The following ATP8B3 variants were observed in gnomAD, a reference collection of about 807,000 sequenced individuals.
ATP8B3 encodes ATPase phospholipid transporting 8B3.
Under a neutral mutation model 140.9 loss-of-function variants are expected in ATP8B3, and 141 were observed. The observed-to-expected ratio is 1.00, with a 90% CI of 0.87 to 1.15. The LOEUF is 1.15. Among genes scored for constraint, ATP8B3 ranks in the 50% most tolerant of loss-of-function variants. The pLI, the probability that ATP8B3 is intolerant of heterozygous loss-of-function variation, is 0.00. For missense variants in ATP8B3, 1,874 were observed against 1,740.6 expected, an observed-to-expected ratio of 1.08 and a Z score of -1.36; for synonymous variants, 765 against 714.6, an observed-to-expected ratio of 1.07 and a Z score of -1.13.
chr19:1,782,682 T>C lies in ATP8B3; in HGVS notation c.*346A>G. ...TGGCTCCCCAGAGGCTGTGGCTGGCTCTCAAATGACGACAGCTGGCTTTCT... is the reference window on the plus strand; with the variant it reads ...TGGCTCCCCAGAGGCTGTGGCTGGCCCTCAAATGACGACAGCTGGCTTTCT... On this transcript the variant is annotated 3_prime_UTR_variant, in exon 29 of 29. Transcript: ENST00000310127. 1 of 295,876 alleles carries C rather than the reference T, an allele frequency of 3.4e-6. No individual in the cohort carries two copies. Among genetic ancestry groups the C allele is most frequent in the Non-Finnish European group, 6.4e-6 (1 of 157,430 alleles). The allele number at this position is 295,876 out of a possible 1,614,324, so 18.3% of individuals were successfully genotyped here. A position where few individuals can be genotyped will look rare whatever the true frequency, so the allele number is the denominator to read the frequency against.
At position 1,806,461 on chromosome 19, in the gene ATP8B3, C is replaced by T; in HGVS notation, c.677+167G>A. 6.8e-7 allele frequency: 1 copy of T among 1,463,088 alleles called. No individual in the cohort carries two copies. 90.6% of individuals were successfully genotyped at this position (1,463,088 alleles called of 1,614,324 possible). ...CGCCATCAGGGCCTCGGCCTCTGTCCTCGTCCCGGCCAAACGCCTAATGAA... is the reference window on the plus strand; with the variant it reads ...CGCCATCAGGGCCTCGGCCTCTGTCTTCGTCCCGGCCAAACGCCTAATGAA... On this transcript the variant is annotated intron_variant, in intron 7 of 28. Transcript: ENST00000310127. This position sits in a 1 kb window ranked among gnomAD's most constrained non-coding sequence, Gnocchi z 5.6.
At chr19:1,788,620 A>T (rs2068380946) in intron 24 of ATP8B3, among the ~76,000 whole-genome samples, 1 of 152,214 alleles carries the variant, frequency 6.6e-6, no homozygotes, top group Admixed American at 6.5e-5. Context: ...ATTGCACTCC[A>T]GCCTGGGTGA....
In ATP8B3 at chr19:1,794,861, C is replaced by T. The variant is rs189718802; in HGVS notation, c.2055+1014G>A. On this transcript the variant is annotated intron_variant, in intron 18 of 28. Transcript: ENST00000310127. This position sits in a 1 kb window ranked among gnomAD's most constrained non-coding sequence, Gnocchi z 4.8. ...GCCTCAAATCCTGGGCCGAGGAGTT[C>T]GGGCTTCCCCCACAGAGTGGGAAGC... 8.5e-5 allele frequency among the ~76,000 whole-genome samples: 13 copies of T among 152,270 alleles called. No individual in the cohort carries two copies. The East Asian group carries it at 2.1e-3, about 25-fold the overall frequency.
chr19:1,810,884 C>T (rs541725447), intron 2 of ATP8B3, among the ~76,000 whole-genome samples: 73 of 152,256 alleles, frequency 4.8e-4, no homozygotes, highest in African/African-American at 1.7e-3. Flanking sequence ...CCTAGGGGAC[C>T]CCAAGATGAT....
chr19:1,788,036 T>C (rs576689282), intron 24 of ATP8B3, among the ~76,000 whole-genome samples: 30 of 152,138 alleles, frequency 2.0e-4, no homozygotes, highest in African/African-American at 7.2e-4. Flanking sequence ...AGTGAGACTC[T>C]GTCTCAAAAG....
At chr19:1,793,243 A>G (rs1279991547) in intron 18 of ATP8B3, among the ~76,000 whole-genome samples, 1 of 148,258 alleles carries the variant, frequency 6.7e-6, no homozygotes, top group Non-Finnish European at 1.5e-5. Context: ...GGCACATGCC[A>G]TCACACCCGG....
intron 10 of ATP8B3, among the ~76,000 whole-genome samples, chr19:1,803,566 C>T (rs1216454080): frequency 6.6e-6 from 1 of 152,156 alleles, no homozygotes; most frequent in African/African-American, 2.4e-5. Context: ...AGAGGAAGAG[C>T]CGCTGCCTGT....
Position 1,798,040 on chromosome 19 carries a change from T to C in ATP8B3, c.1553-1035A>G, listed in dbSNP as rs560318172. Among the ~76,000 whole-genome samples the C allele has an allele frequency of 6.6e-5, 10 of 151,984 alleles. No individual in the cohort carries two copies. The South Asian group carries it at 2.1e-3, about 32-fold the overall frequency. ...CTGCTGGAGTGCAGTGGCGTGACCT[T>C]GGCTCACTGCAACCTCCACCTCCGG... On this transcript the variant is annotated intron_variant, in intron 14 of 28. Coordinates refer to ENST00000310127, the MANE Select transcript of ATP8B3 (RefSeq NM_138813.4).
chr19:1,806,819 T>A lies in ATP8B3; in HGVS notation c.616-130A>T. The A allele has an allele frequency of 9.6e-7, 1 of 1,045,000 alleles. No individual in the cohort carries two copies. Among genetic ancestry groups the A allele is most frequent in the Non-Finnish European group, 1.4e-6 (1 of 705,638 alleles). 64.7% of individuals were successfully genotyped at this position (1,045,000 alleles called of 1,614,324 possible). ...CCCTGTCCGCTGGCCCCACGCCACG[T>A]TGCGTCTGCTCAGGGATCCCGGACG... On this transcript the variant is annotated intron_variant, in intron 6 of 28. Transcript: ENST00000310127. This position sits in a 1 kb window ranked among gnomAD's most constrained non-coding sequence, Gnocchi z 5.6.
At position 1,800,738 on chromosome 19, in the gene ATP8B3, C is replaced by G. The variant is rs779529279; in HGVS notation, c.1153-289G>C. Among the ~76,000 whole-genome samples, 1 of 152,072 alleles carries G rather than the reference C, an allele frequency of 6.6e-6. No homozygotes were observed. Among genetic ancestry groups the G allele is most frequent in the African/African-American group, 2.4e-5 (1 of 41,404 alleles). On this transcript the variant is annotated intron_variant, in intron 12 of 28. Coordinates refer to ENST00000310127, the MANE Select transcript of ATP8B3 (RefSeq NM_138813.4). The surrounding 1 kb of genome is among the most constrained non-coding windows in gnomAD (Gnocchi z 4.4). The stretch of plus-strand genomic sequence containing the variant: ...TGCTCAGAAGGCTGAGGCCGAGGAT[C>G]GCTTGAGCCCAGGAGGCTGCAGTGA...
At chr19:1,786,603 G>A (rs1329166964) in intron 25 of ATP8B3, among the ~76,000 whole-genome samples, 2 of 151,580 alleles carry the variant, frequency 1.3e-5, no homozygotes, top group Admixed American at 6.6e-5. Flanking sequence ...AACATGAAAT[G>A]AGATGTAAAA....
At chr19:1,810,740 A>C in intron 2 of ATP8B3, 57 bp from the exon 3 acceptor site, 1 of 1,543,226 alleles carries the variant, frequency 6.5e-7, no homozygotes, top group Non-Finnish European at 8.8e-7. Context: ...GCTGGGCACC[A>C]CTCGGTCTTC....
chr19:1,801,884 G>T, intron 12 of ATP8B3, 72 bp downstream of exon 12: 3 of 1,195,938 alleles, frequency 2.5e-6, no homozygotes, highest in Non-Finnish European at 3.7e-6. Flanking sequence ...GGAAACTGAG[G>T]CCTGGAAGAT....
rs758510997 is a variant in ATP8B3, at chr19:1,790,759, A to C, written c.2376T>G (p.Ile792Met). ...ENMLILEEKEISRILETYWEN... is the reference protein window; with the variant it reads ...ENMLILEEKEMSRILETYWEN... ...CCCCCCAACTCCCCACTTCTTACCT[A>C]ATCTCCTTCTCCTCCAGAATGAGCA... The change falls in exon 21 of 29, where the codon ATT (isoleucine) becomes ATG (methionine). Residue 792 changes from isoleucine (I) to methionine (M), a missense_variant and splice_region_variant. Transcript: ENST00000310127. 3 of 1,590,276 alleles carry C rather than the reference A, an allele frequency of 1.9e-6. No homozygotes were observed. The highest frequency in any genetic ancestry group is 1.7e-6 in the Non-Finnish European group (2 of 1,172,846).
chr19:1,800,732 G>A lies in ATP8B3; in HGVS notation c.1153-283C>T, dbSNP rs753140683. On this transcript the variant is annotated intron_variant, in intron 12 of 28. Transcript: ENST00000310127. The surrounding 1 kb of genome is among the most constrained non-coding windows in gnomAD (Gnocchi z 4.4). ...CTCAGCTGCTCAGAAGGCTGAGGCC[G>A]AGGATCGCTTGAGCCCAGGAGGCTG... 2.0e-4 allele frequency among the ~76,000 whole-genome samples: 30 copies of A among 152,156 alleles called. No individual in the cohort carries two copies. The highest frequency in any genetic ancestry group is 4.0e-4 in the Non-Finnish European group (27 of 68,012).
rs1181979147 is a variant in ATP8B3 at position 1,799,935 on chromosome 19, T to C, written c.1552+12A>G. 1 of 1,582,854 alleles carries C rather than the reference T, an allele frequency of 6.3e-7. No individual in the cohort carries two copies. The highest frequency in any genetic ancestry group is 1.1e-5 in the South Asian group (1 of 86,970). ...GAGGACCCAGCTGGGAGCTCAGGTG[T>C]CGGGGCCGCACCATAGACGCGGCCG... On this transcript the variant is annotated intron_variant, in intron 14 of 28. Coordinates refer to ENST00000310127, the MANE Select transcript of ATP8B3 (RefSeq NM_138813.4).
rs2068858359 is a variant in ATP8B3 at position 1,801,999 on chromosome 19, T to G, written c.1109A>C (p.Lys370Thr). Residue 370 changes from lysine to threonine, a missense_variant, in exon 12 of 29, where the codon AAG becomes ACG. Coordinates refer to ENST00000310127, the MANE Select transcript of ATP8B3 (RefSeq NM_138813.4). Reference protein sequence around the residue: ...IMKNCGKIHLKRTKLDLLMNK... With the variant: ...IMKNCGKIHLTRTKLDLLMNK... Reference sequence around the variant, plus strand: ...CATCAGGAGGTCCAGCTTGGTTCTCTTCAAATGGATCTTGCCACAGTTCTT... The same window carrying G: ...CATCAGGAGGTCCAGCTTGGTTCTCGTCAAATGGATCTTGCCACAGTTCTT... The G allele has an allele frequency of 6.2e-7, 1 of 1,612,530 alleles. No individual in the cohort carries two copies. The highest frequency in any genetic ancestry group is 8.5e-7 in the Non-Finnish European group (1 of 1,179,714).
rs369381555 is a variant in ATP8B3 at position 1,800,986 on chromosome 19, G to A, written c.1153-537C>T. Among the ~76,000 whole-genome samples the A allele has an allele frequency of 1.5e-4, 22 of 150,856 alleles. No homozygotes were observed. The highest frequency in any genetic ancestry group is 4.6e-4 in the African/African-American group (19 of 41,142). On this transcript the variant is annotated intron_variant, in intron 12 of 28. Transcript: ENST00000310127. This position sits in a 1 kb window ranked among gnomAD's most constrained non-coding sequence, Gnocchi z 4.4. ...TGGGACTACAGGCGCCCGCCACCACGCCCGGCTAATTTTTTGTATTTTTAG... is the reference window on the plus strand; with the variant it reads ...TGGGACTACAGGCGCCCGCCACCACACCCGGCTAATTTTTTGTATTTTTAG...
Position 1,796,835 on chromosome 19 carries a change from G to A in ATP8B3, c.1629C>T (p.Leu543=), listed in dbSNP as rs759565055. The A allele has an allele frequency of 3.1e-6, 5 of 1,612,574 alleles. No homozygotes were observed. In the South Asian group the frequency reaches 4.4e-5, roughly 14 times the overall value. The change falls in exon 16 of 29, where the codon CTC becomes CTT. Residue 543 remains leucine, a synonymous_variant. Coordinates refer to ENST00000310127, the MANE Select transcript of ATP8B3 (RefSeq NM_138813.4). ...GGTGCAGCAGGGCCGCATTGTGGAAGAGCAGCTTCCCGTCGGCGAACTTGT... is the reference window on the plus strand; with the variant it reads ...GGTGCAGCAGGGCCGCATTGTGGAAAAGCAGCTTCCCGTCGGCGAACTTGT... ...LWNKFADGKL[L]FHNAALLHLV...
Sources: gnomAD v4.1 joint callset for allele counts (sites outside exome capture counted in the v4.1 genomes callset) on GRCh38, gnomAD v4.1.1 for gene constraint, Gnocchi (gnomAD v3.1) non-coding constraint, MANE v1.5 for transcripts, NCBI Gene and HGNC (gene_info 2026-07-23, HGNC 2026-07-21) for gene names.